Variants in ASXL1 observed in about 807,000 individuals in gnomAD.
ASXL1 encodes polycomb group protein ASXL1.
Under a neutral mutation model 89.1 loss-of-function variants are expected in ASXL1, and 65 were observed. That is an observed-to-expected ratio of 0.73 (90% CI 0.60 to 0.90). ASXL1 has a LOEUF of 0.90. ASXL1 is among the 40% of genes least tolerant of loss of function. The probability of loss-of-function intolerance (pLI) is 0.00; values close to 1 mark genes in which losing one functional copy is unlikely to be tolerated. For synonymous variants in ASXL1, 739 were observed against 746.9 expected, an observed-to-expected ratio of 0.99 and a Z score of 0.17; for missense variants, 1,786 against 1,942.9, an observed-to-expected ratio of 0.92 and a Z score of 1.52.
chr20:32,365,280 G>A (rs2048186649), intron 1 of ASXL1, among the ~76,000 whole-genome samples: 1 of 152,150 alleles, frequency 6.6e-6, no homozygotes, highest in South Asian at 2.1e-4. Context: ...CATGGAGAAT[G>A]GAAAATCTGA....
At chr20:32,381,457 C>T (rs2048483564) in intron 4 of ASXL1, among the ~76,000 whole-genome samples, 2 of 151,912 alleles carry the variant, frequency 1.3e-5, no homozygotes, top group Middle Eastern at 3.2e-3. Flanking sequence ...CTGCCTCAGC[C>T]TCCCAAAATG....
intron 4 of ASXL1, among the ~76,000 whole-genome samples, chr20:32,419,086 C>G (rs963614632): frequency 1.3e-5 from 2 of 152,032 alleles, no homozygotes; most frequent in African/African-American, 4.8e-5. Flanking sequence ...CCGCCTTAGC[C>G]TCTCAAAGTG....
At position 32,435,512 on chromosome 20, in the gene ASXL1, G is replaced by T. The variant is rs773543958; in HGVS notation, c.2800G>T (p.Ala934Ser). 4 of 1,614,034 alleles carry T rather than the reference G, an allele frequency of 2.5e-6. No homozygotes were observed. The highest frequency in any genetic ancestry group is 1.1e-5 in the South Asian group (1 of 91,090). Residue 934 changes from alanine to serine, a missense_variant, in exon 13 of 13, where the codon GCT becomes TCT. Physicochemically the swap from Ala to Ser is moderately conservative, Grantham distance 99. Transcript: ENST00000375687. ...PQVGEEWEKAAPTPPALPGDL... is the reference protein window; with the variant it reads ...PQVGEEWEKASPTPPALPGDL... ...GGTTGGAGAGGAGTGGGAGAAAGCTGCTCCCACCCCTCCTGCATTGCCTGG... is the reference window on the plus strand; with the variant it reads ...GGTTGGAGAGGAGTGGGAGAAAGCTTCTCCCACCCCTCCTGCATTGCCTGG...
chr20:32,432,766 G>A (rs1206468222), intron 10 of ASXL1, 114 bp from the exon 11 acceptor site: 4 of 1,307,572 alleles, frequency 3.1e-6, no homozygotes, highest in Non-Finnish European at 4.3e-6. Flanking sequence ...AGAGCATGAT[G>A]TGAGAGAGCC....
intron 4 of ASXL1, among the ~76,000 whole-genome samples, chr20:32,379,789 G>A (rs2048455662): frequency 6.6e-6 from 1 of 150,830 alleles, no homozygotes; most frequent in Non-Finnish European, 1.5e-5. Flanking sequence ...TCGTGCCATT[G>A]CACTCCAGCC....
At position 32,435,433 on chromosome 20, in the gene ASXL1, AG is replaced by A; in HGVS notation, c.2722del (p.Val908Ter). ...TACCCATCCCATCGAATGATGAGGT[AG>A]TGAAACAGCCCAAACCAGAATCCAG... ...WIPIPSNDEV[V>X]KQPKPESREH... is the part of the protein sequence containing the mutation. On this transcript the variant is annotated frameshift_variant, in exon 13 of 13. Transcript: ENST00000375687. LOFTEE classifies it low-confidence loss of function (END_TRUNC). 6.2e-7 allele frequency: 1 copy of A among 1,614,136 alleles called. No individual in the cohort carries two copies. Among genetic ancestry groups the A allele is most frequent in the Non-Finnish European group, 8.5e-7 (1 of 1,180,034 alleles).
Position 32,429,266 on chromosome 20 carries a change from A to G in ASXL1, c.472-72A>G. 2.1e-6 allele frequency: 3 copies of G among 1,411,496 alleles called. No individual in the cohort carries two copies. Among genetic ancestry groups the G allele is most frequent in the East Asian group, 2.4e-5 (1 of 42,042 alleles). The allele number at this position is 1,411,496 out of a possible 1,614,324, so 87.4% of individuals were successfully genotyped here. On this transcript the variant is annotated intron_variant, in intron 6 of 12. Coordinates refer to ENST00000375687, the MANE Select transcript of ASXL1 (RefSeq NM_015338.6). This position sits in a 1 kb window ranked among gnomAD's most constrained non-coding sequence, Gnocchi z 4.9. Reference sequence around the variant, plus strand: ...ATTTTACAAGAGCGTGAGTAGAGATAGTGTCGCCAGGGAATGCTTTTGTGG... The same window carrying G: ...ATTTTACAAGAGCGTGAGTAGAGATGGTGTCGCCAGGGAATGCTTTTGTGG...
chr20:32,395,721 C>T (rs572173816), intron 4 of ASXL1, among the ~76,000 whole-genome samples: 1 of 152,262 alleles, frequency 6.6e-6, no homozygotes, highest in South Asian at 2.1e-4. Flanking sequence ...TACTGATCTT[C>T]ATTTCACTAG....
chr20:32,434,950 C>T lies in ASXL1; in HGVS notation c.2238C>T (p.Ala746=), dbSNP rs751972392. 4 of 1,614,048 alleles carry T rather than the reference C, an allele frequency of 2.5e-6. No individual in the cohort carries two copies. Among genetic ancestry groups the T allele is most frequent in the Non-Finnish European group, 3.4e-6 (4 of 1,180,038 alleles). The change falls in exon 13 of 13, where the codon GCC becomes GCT. Residue 746 remains alanine, a synonymous_variant. Coordinates refer to ENST00000375687, the MANE Select transcript of ASXL1 (RefSeq NM_015338.6). ...TVGLTDGLGD[A]SQLPVAPTGD... Reference sequence around the variant, plus strand: ...GACTCACAGATGGGCTAGGAGATGCCTCCCAACTCCCCGTTGCTCCCACTG... The same window carrying T: ...GACTCACAGATGGGCTAGGAGATGCTTCCCAACTCCCCGTTGCTCCCACTG...
At position 32,430,526 on chromosome 20, in the gene ASXL1, A is replaced by G. The variant is rs182231528; in HGVS notation, c.718+473A>G. The stretch of plus-strand genomic sequence containing the variant: ...GGATGCAAACAAATTCAGTAGTGCT[A>G]TTATCTATACCTCCCACCCCTCACC... On this transcript the variant is annotated intron_variant, in intron 8 of 12. Transcript: ENST00000375687. 5.0e-3 allele frequency: 1,191 copies of G among 240,070 alleles called. 2 individuals are homozygous for G. The highest frequency in any genetic ancestry group is 0.014 in the Middle Eastern group (11 of 788). 14.9% of individuals were successfully genotyped at this position (240,070 alleles called of 1,614,324 possible).
In ASXL1 at chr20:32,437,224, C is replaced by A. The variant is rs1227725383; in HGVS notation, c.4512C>A (p.Leu1504=). ...TDSSTVESIS[L]QCACSLKAMI... ...GCAGCACGGTGGAAAGCATCTCGCTCCAGTGTGCGTGCAGCCTGAAAGCCA... is the reference window on the plus strand; with the variant it reads ...GCAGCACGGTGGAAAGCATCTCGCTACAGTGTGCGTGCAGCCTGAAAGCCA... Residue 1504 remains leucine, a synonymous_variant, in exon 13 of 13, where the codon CTC becomes CTA. Transcript: ENST00000375687. The A allele has an allele frequency of 1.2e-6, 2 of 1,613,702 alleles. No individual in the cohort carries two copies.
At chr20:32,428,656 T>A in intron 6 of ASXL1, 1 of 271,316 alleles carries the variant, frequency 3.7e-6, no homozygotes, top group Non-Finnish European at 6.7e-6. Context: ...TTCATTCTTT[T>A]TTTTTTTTTT....
At chr20:32,375,448 CAA>C (rs71187112) in intron 4 of ASXL1, among the ~76,000 whole-genome samples, 3 of 136,774 alleles carry the variant, frequency 2.2e-5, no homozygotes, top group African/African-American at 5.6e-5. Flanking sequence ...GACTTGGTCT[CAA>C]AAAAAAAAAA....
chr20:32,419,964 GC>G (rs993950397), intron 4 of ASXL1, among the ~76,000 whole-genome samples: 26 of 151,844 alleles, frequency 1.7e-4, no homozygotes, highest in African/African-American at 6.3e-4. Flanking sequence ...ACAGGCATGA[GC>G]CCCCACACCC....
intron 4 of ASXL1, among the ~76,000 whole-genome samples, chr20:32,377,323 A>G (rs1600489768): frequency 6.6e-6 from 1 of 151,374 alleles, no homozygotes; most frequent in African/African-American, 2.4e-5. Flanking sequence ...CTATTTGAAA[A>G]TAATTGCAAT....
chr20:32,359,576 G>T (rs568005225), intron 1 of ASXL1: 1 of 670,018 alleles, frequency 1.5e-6, no homozygotes, highest in African/African-American at 1.8e-5. Context: ...AGACTGGGCT[G>T]TTTGCCTTCA....
chr20:32,434,645 G>C lies in ASXL1; in HGVS notation c.1933G>C (p.Gly645Arg). 1 of 1,605,416 alleles carries C rather than the reference G, an allele frequency of 6.2e-7. No individual in the cohort carries two copies. Among genetic ancestry groups the C allele is most frequent in the Non-Finnish European group, 8.5e-7 (1 of 1,175,846 alleles). ...GGCCACCACTGCCATCGGAGGGGGG[G>C]GTGGCCCGGGTGGAGGTGGCGGCGG... Reference protein sequence around the residue: ...EAATTAIGGGGGPGGGGGGAT... With the variant: ...EAATTAIGGGRGPGGGGGGAT... Residue 645 changes from glycine to arginine, a missense_variant, in exon 13 of 13, where the codon GGT becomes CGT. By Grantham distance (125) the Gly-to-Arg change is moderately radical. Transcript: ENST00000375687.
intron 4 of ASXL1, among the ~76,000 whole-genome samples, chr20:32,411,902 G>T (rs1569296988): frequency 6.6e-6 from 1 of 152,098 alleles, no homozygotes; most frequent in East Asian, 1.9e-4. Context: ...TGTACAAATT[G>T]TCGCTGATTT....
chr20:32,423,051 A>G (rs1455681777), intron 4 of ASXL1, among the ~76,000 whole-genome samples: 1 of 152,070 alleles, frequency 6.6e-6, no homozygotes, highest in African/African-American at 2.4e-5. Flanking sequence ...TGTCAGACAT[A>G]TAGGGTTAAT....
Sources: gnomAD v4.1 joint callset for allele counts (sites outside exome capture counted in the v4.1 genomes callset) on GRCh38, gnomAD v4.1.1 for gene constraint, Gnocchi (gnomAD v3.1) non-coding constraint, MANE v1.5 for transcripts, NCBI Gene and HGNC (gene_info 2026-07-23, HGNC 2026-07-21) for gene names.